DMD: variants seen among roughly 807,000 people sequenced by gnomAD.
The protein encoded by DMD is dystrophin, also known as mutant dystrophin.
In DMD, 63 loss-of-function variants were observed where a neutral mutation model predicts 330.1. That is an observed-to-expected ratio of 0.19 (90% CI 0.16 to 0.24). The LOEUF (loss-of-function observed/expected upper bound fraction) is 0.24, where lower values mean the gene tolerates loss of function less well. DMD is among the 10% of genes least tolerant of loss of function. The pLI, the probability that DMD is intolerant of heterozygous loss-of-function variation, is 1.00. For synonymous variants in DMD, 1,223 were observed against 959.8 expected (o/e 1.27, Z -5.07); for missense variants, 3,344 against 2,684.1 (o/e 1.25, Z -5.43).
chrX:31,206,496 T>A (rs72466550), intron 66 of DMD, 86 bp downstream of exon 66: 2 of 838,198 alleles, frequency 2.4e-6, no homozygotes, highest in Admixed American at 5.2e-5. Context: ...TGCTGTCAAA[T>A]AAGAACAGTC....
chrX:31,454,393 C>T (rs1389389605), intron 59 of DMD, among the ~76,000 whole-genome samples: 1 of 112,124 alleles, frequency 8.9e-6, no homozygotes, highest in Admixed American at 9.4e-5. Flanking sequence ...CCACCCGCCT[C>T]GGCCTCCCAA....
At chrX:33,076,133 C>G (rs5928168) in intron 1 of DMD, among the ~76,000 whole-genome samples, 10,508 of 110,154 alleles carry the variant, frequency 0.095, 367 homozygotes, top group Middle Eastern at 0.13. Flanking sequence ...TATGACCCCC[C>G]ACTCAGGAAC....
At chrX:32,721,766 G>A (rs1022913282) in intron 7 of DMD, among the ~76,000 whole-genome samples, 1 of 110,758 alleles carries the variant, frequency 9.0e-6, no homozygotes, top group Admixed American at 9.7e-5. Flanking sequence ...TTGCAAAGGC[G>A]ACTGTCAGAG....
At chrX:32,789,976 A>G (rs2075695948) in intron 7 of DMD, among the ~76,000 whole-genome samples, 1 of 112,061 alleles carries the variant, frequency 8.9e-6, no homozygotes, top group Non-Finnish European at 1.9e-5. Flanking sequence ...CCACCTTATT[A>G]AATTGTAATA....
At chrX:32,826,101 A>AC (rs1863974871) in intron 4 of DMD, among the ~76,000 whole-genome samples, 1 of 112,182 alleles carries the variant, frequency 8.9e-6, no homozygotes, top group Non-Finnish European at 1.9e-5. Context: ...ATAATGTTGA[A>AC]CATCACTAAT....
intron 7 of DMD, among the ~76,000 whole-genome samples, chrX:32,759,145 A>G (rs2071901430): frequency 8.9e-6 from 1 of 112,162 alleles, no homozygotes; most frequent in Non-Finnish European, 1.9e-5. Flanking sequence ...TTCATACACT[A>G]TAAAGTGAAA....
chrX:31,382,067 G>A (rs1344802214), intron 60 of DMD, among the ~76,000 whole-genome samples: 2 of 111,159 alleles, frequency 1.8e-5, no homozygotes, highest in South Asian at 3.8e-4. Context: ...ACCTCTATAC[G>A]GTCCTATAAC....
intron 23 of DMD, 26 bp downstream of exon 23, chrX:32,468,472 G>C (rs775148223): frequency 1.3e-5 from 15 of 1,139,824 alleles, no homozygotes; most frequent in Non-Finnish European, 1.8e-5. Context: ...ATAAAAATGA[G>C]GGTAGAAAGT....
intron 42 of DMD, among the ~76,000 whole-genome samples, chrX:32,293,707 A>G: frequency 8.9e-6 from 1 of 111,859 alleles, no homozygotes; most frequent in Non-Finnish European, 1.9e-5. Flanking sequence ...AACTCATAAT[A>G]AAACAGAAAC....
At chrX:32,983,194 C>T (rs1174635461) in intron 2 of DMD, among the ~76,000 whole-genome samples, 1 of 110,494 alleles carries the variant, frequency 9.1e-6, no homozygotes, top group Non-Finnish European at 1.9e-5. Flanking sequence ...TAGTTTTATA[C>T]CCACTATCTA....
chrX:32,932,864 G>A (rs1330920191), intron 2 of DMD, among the ~76,000 whole-genome samples: 1 of 111,864 alleles, frequency 8.9e-6, no homozygotes, highest in African/African-American at 3.3e-5. Flanking sequence ...TCTGCCAGCT[G>A]GAGCTGGGGA....
intron 1 of DMD, among the ~76,000 whole-genome samples, chrX:33,197,815 AAC>A (rs1471139655): frequency 1.8e-5 from 2 of 111,186 alleles, no homozygotes; most frequent in African/African-American, 6.5e-5. Context: ...ATGAGTATAT[AAC>A]AGTTTGTTTA....
chrX:32,206,071 C>T (rs1208673505), intron 44 of DMD: 5 of 515,632 alleles, frequency 9.7e-6, no homozygotes. Flanking sequence ...ATTGTTGAAG[C>T]AGAGGCAATG....
At chrX:31,630,630 A>G (rs765984048) in intron 54 of DMD, among the ~76,000 whole-genome samples, 65 of 111,392 alleles carry the variant, frequency 5.8e-4, no homozygotes, top group Non-Finnish European at 1.0e-3. Context: ...TTCCGGAACC[A>G]TATGGGTTTA....
intron 7 of DMD, among the ~76,000 whole-genome samples, chrX:32,722,210 T>A (rs755578733): frequency 9.0e-6 from 1 of 110,692 alleles, no homozygotes; most frequent in South Asian, 3.8e-4. Flanking sequence ...AGGGATTACA[T>A]TAAATTTGTA....
At chrX:32,424,851 A>T (rs2098205138) in intron 29 of DMD, among the ~76,000 whole-genome samples, 1 of 111,320 alleles carries the variant, frequency 9.0e-6, no homozygotes, top group Non-Finnish European at 1.9e-5. Context: ...TAACCAGATG[A>T]ATGACTTGCA....
chrX:32,736,658 T>C (rs2068529592), intron 7 of DMD, among the ~76,000 whole-genome samples: 1 of 106,493 alleles, frequency 9.4e-6, no homozygotes, highest in Non-Finnish European at 1.9e-5. Flanking sequence ...CAGTAAACTA[T>C]CGCAAGAACA....
intron 52 of DMD, among the ~76,000 whole-genome samples, chrX:31,689,137 A>T (rs1479802409): frequency 9.0e-6 from 1 of 111,607 alleles, no homozygotes; most frequent in Non-Finnish European, 1.9e-5. Flanking sequence ...GGCAGGAAAA[A>T]GAAATAAAGG....
chrX:31,258,876 G>A (rs1205292206), intron 63 of DMD, among the ~76,000 whole-genome samples: 2 of 110,649 alleles, frequency 1.8e-5, no homozygotes, highest in Non-Finnish European at 3.8e-5. Context: ...TCATTACAGA[G>A]TAATTGAAAG....
Sources: gnomAD v4.1 joint callset for allele counts (sites outside exome capture counted in the v4.1 genomes callset) on GRCh38, gnomAD v4.1.1 for gene constraint, MANE v1.5 for transcripts, NCBI Gene and HGNC (gene_info 2026-07-23, HGNC 2026-07-21) for gene names.